PTPRD: variants seen among roughly 807,000 people sequenced by gnomAD.
PTPRD encodes the protein protein tyrosine phosphatase receptor type D.
A neutral mutation model predicts 214.5 loss-of-function variants in PTPRD; 34 were observed. That is an observed-to-expected ratio of 0.16 (90% CI 0.12 to 0.21). PTPRD has a LOEUF of 0.21. Ranked by LOEUF, PTPRD falls within the 10% of genes least tolerant of loss-of-function variation. The probability of loss-of-function intolerance (pLI) is 1.00; values close to 1 mark genes in which losing one functional copy is unlikely to be tolerated. For synonymous variants in PTPRD, 1,128 were observed against 845.7 expected, an observed-to-expected ratio of 1.33 and a Z score of -5.79; for missense variants, 2,545 against 2,398.7, an observed-to-expected ratio of 1.06 and a Z score of -1.27.
intron 14 of PTPRD, among the ~76,000 whole-genome samples, chr9:8,594,872 T>C (rs2094386842): frequency 6.7e-6 from 1 of 149,016 alleles, no homozygotes; most frequent in Admixed American, 6.7e-5. Context: ...TTTTTTTTTT[T>C]TTTTTTTTGG....
chr9:9,326,818 TC>T (rs1210796894), intron 9 of PTPRD, among the ~76,000 whole-genome samples: 1 of 152,120 alleles, frequency 6.6e-6, no homozygotes, highest in Non-Finnish European at 1.5e-5. Context: ...AGAAACTATT[TC>T]ACCTTATAAA....
intron 5 of PTPRD, among the ~76,000 whole-genome samples, chr9:9,928,653 A>T (rs916051139): frequency 6.6e-5 from 10 of 152,048 alleles, no homozygotes; most frequent in African/African-American, 2.4e-4. Context: ...TGAATATTTT[A>T]TTTGTAAACT....
intron 3 of PTPRD, among the ~76,000 whole-genome samples, chr9:10,338,011 C>T (rs571965988): frequency 7.4e-4 from 112 of 151,696 alleles, no homozygotes; most frequent in African/African-American, 2.6e-3. Flanking sequence ...CAAACTTTTT[C>T]ACTCATTTCT....
rs189602811 is a variant in PTPRD at position 10,513,213 on chromosome 9, G to A, written c.-600+99185C>T. ...GTGTGTGTGTGTGTGATTTAATGAAGCGTTTATTTTAAAAATGTTGTTTGG... is the reference window on the plus strand; with the variant it reads ...GTGTGTGTGTGTGTGATTTAATGAAACGTTTATTTTAAAAATGTTGTTTGG... On this transcript the variant is annotated intron_variant, in intron 2 of 45. Coordinates refer to ENST00000381196, the MANE Select transcript of PTPRD (RefSeq NM_002839.4). Among the ~76,000 whole-genome samples, 181 of 151,692 alleles carry A rather than the reference G, an allele frequency of 1.2e-3. 1 individual carries two copies. The highest frequency in any genetic ancestry group is 6.8e-3 in the Middle Eastern group (2 of 294).
At chr9:9,563,193 T>C (rs1251050153) in intron 8 of PTPRD, among the ~76,000 whole-genome samples, 4 of 152,100 alleles carry the variant, frequency 2.6e-5, no homozygotes, top group Admixed American at 6.6e-5. Context: ...GGTCAAGATA[T>C]AGTAATAAAA....
At chr9:10,008,939 ATTAG>A (rs2086442369) in intron 4 of PTPRD, among the ~76,000 whole-genome samples, 1 of 151,976 alleles carries the variant, frequency 6.6e-6, no homozygotes. Flanking sequence ...AATAATCAAT[ATTAG>A]TTAATGGAAA....
chr9:9,741,654 G>C (rs574465153), intron 6 of PTPRD, among the ~76,000 whole-genome samples: 1 of 152,122 alleles, frequency 6.6e-6, no homozygotes, highest in East Asian at 1.9e-4. Flanking sequence ...GCCTCCCTGC[G>C]TTGGTGTATT....
intron 7 of PTPRD, among the ~76,000 whole-genome samples, chr9:9,674,471 C>T (rs1202797986): frequency 6.6e-6 from 1 of 151,474 alleles, no homozygotes; most frequent in Non-Finnish European, 1.5e-5. Flanking sequence ...AAAATGTAGT[C>T]ATATATTAAT....
intron 5 of PTPRD, among the ~76,000 whole-genome samples, chr9:9,819,365 G>T (rs576964540): frequency 1.3e-5 from 2 of 152,130 alleles, no homozygotes; most frequent in Admixed American, 6.6e-5. Flanking sequence ...ATGAACTTTG[G>T]CGGAGGTTTA....
intron 5 of PTPRD, among the ~76,000 whole-genome samples, chr9:9,864,535 T>C (rs1316356368): frequency 1.3e-5 from 2 of 152,148 alleles, no homozygotes; most frequent in Non-Finnish European, 2.9e-5. Flanking sequence ...TGTTTGTTTT[T>C]TGAGGCACGG....
chr9:8,438,653 A>C (rs940722094), intron 34 of PTPRD: 1 of 152,222 alleles, frequency 6.6e-6, no homozygotes, highest in African/African-American at 2.4e-5. Context: ...TGTGGACATC[A>C]TTACAGTGCT....
At chr9:8,781,234 T>C (rs1391880615) in intron 11 of PTPRD, among the ~76,000 whole-genome samples, 1 of 152,090 alleles carries the variant, frequency 6.6e-6, no homozygotes, top group Non-Finnish European at 1.5e-5. Flanking sequence ...TGTCCAGAGG[T>C]GCACTCTTTA....
chr9:8,896,801 T>C (rs2098617259), intron 11 of PTPRD, among the ~76,000 whole-genome samples: 1 of 152,150 alleles, frequency 6.6e-6, no homozygotes, highest in Non-Finnish European at 1.5e-5. Flanking sequence ...ACATTCCCTT[T>C]AGTTCCTTTA....
At chr9:8,776,775 C>G (rs867263119) in intron 11 of PTPRD, among the ~76,000 whole-genome samples, 84 of 145,788 alleles carry the variant, frequency 5.8e-4, no homozygotes, top group South Asian at 1.1e-3. Context: ...AAGTCCTACC[C>G]TTTAAAAAAT....
At chr9:9,032,477 C>A (rs946979158) in intron 10 of PTPRD, among the ~76,000 whole-genome samples, 20 of 151,870 alleles carry the variant, frequency 1.3e-4, no homozygotes, top group Admixed American at 1.2e-3. Flanking sequence ...AGTCATGGAG[C>A]AAAAATAATT....
intron 8 of PTPRD, among the ~76,000 whole-genome samples, chr9:9,572,561 GTATATATATA>G (rs113092220): frequency 2.1e-5 from 3 of 140,820 alleles, no homozygotes; most frequent in Middle Eastern, 3.8e-3. Flanking sequence ...ATATATATAT[GTATATATATA>G]TATATATATG....
chr9:8,923,178 A>T (rs2098839902), intron 11 of PTPRD, among the ~76,000 whole-genome samples: 1 of 151,542 alleles, frequency 6.6e-6, no homozygotes, highest in Admixed American at 6.6e-5. Flanking sequence ...AGTAGCTGGG[A>T]TTACAGGCGC....
At chr9:8,792,210 G>T (rs1293155265) in intron 11 of PTPRD, among the ~76,000 whole-genome samples, 3 of 152,142 alleles carry the variant, frequency 2.0e-5, no homozygotes, top group African/African-American at 7.2e-5. Flanking sequence ...ACTCCACTTG[G>T]TAAATGGTCT....
At chr9:10,550,631 T>C (rs1389433947) in intron 2 of PTPRD, among the ~76,000 whole-genome samples, 2 of 152,118 alleles carry the variant, frequency 1.3e-5, no homozygotes, top group South Asian at 4.1e-4. Flanking sequence ...GGTCCTTGGG[T>C]GCACACAAAC....
Sources: allele counts gnomAD v4.1 joint callset (sites outside exome capture counted in the v4.1 genomes callset), GRCh38; gene constraint gnomAD v4.1.1; transcripts MANE v1.5; gene names NCBI Gene and HGNC (gene_info 2026-07-23, HGNC 2026-07-21).